STK32B: variants seen among roughly 807,000 people sequenced by gnomAD.
STK32B encodes the protein serine/threonine-protein kinase 32B.
A neutral mutation model predicts 52.6 loss-of-function variants in STK32B; 43 were observed. That is an observed-to-expected ratio of 0.82 (90% CI 0.64 to 1.05). The LOEUF (loss-of-function observed/expected upper bound fraction) is 1.05. STK32B is among the 50% of genes least tolerant of loss of function. STK32B has a pLI of 0.00. For missense variants in STK32B, 621 were observed against 534.6 expected, an observed-to-expected ratio of 1.16 and a Z score of -1.59; for synonymous variants, 238 against 204.3, an observed-to-expected ratio of 1.17 and a Z score of -1.41.
chr4:5,085,321 A>G (rs1212650217), intron 1 of STK32B, among the ~76,000 whole-genome samples: 1 of 152,218 alleles, frequency 6.6e-6, no homozygotes. Context: ...ATCTACTGTA[A>G]TTATTTTTAT....
chr4:5,274,641 G>A (rs1224459851), intron 3 of STK32B, among the ~76,000 whole-genome samples: 2 of 152,200 alleles, frequency 1.3e-5, no homozygotes, highest in South Asian at 2.1e-4. Flanking sequence ...ACAAGGATCA[G>A]CATATAAACC....
At chr4:5,168,478 G>T (rs1719066225) in intron 3 of STK32B, 28 bp downstream of exon 3, 2 of 1,598,134 alleles carry the variant, frequency 1.3e-6, no homozygotes, top group African/African-American at 1.3e-5. Context: ...CAGGGCTCCT[G>T]TGGGTTCCCC....
In STK32B at chr4:5,316,368, T is replaced by C. The variant is rs867792016; in HGVS notation, c.261-14852T>C. 8.2e-5 allele frequency among the ~76,000 whole-genome samples: 3 copies of C among 36,676 alleles called. 1 individual carries two copies. Among genetic ancestry groups the C allele is most frequent in the South Asian group, 8.9e-4 (1 of 1,124 alleles). The allele number at this position is 36,676 out of a possible 152,430, so 24.1% of individuals were successfully genotyped here. A position where few individuals can be genotyped will look rare whatever the true frequency, so the allele number is the denominator to read the frequency against. On this transcript the variant is annotated intron_variant, in intron 3 of 11. Transcript: ENST00000282908. ...ATTATATCATATATTATATATATTA[T>C]ATATATTAATTATATATATAATATA... is the stretch of plus-strand genomic sequence containing the variant.
chr4:5,362,452 G>A (rs747439002), intron 4 of STK32B, among the ~76,000 whole-genome samples: 10 of 152,112 alleles, frequency 6.6e-5, no homozygotes, highest in Non-Finnish European at 1.0e-4. Context: ...GATAACTAAG[G>A]GTACAGGTAG....
intron 3 of STK32B, among the ~76,000 whole-genome samples, chr4:5,321,953 A>G (rs1180419861): frequency 1.3e-5 from 2 of 149,710 alleles, no homozygotes; most frequent in Admixed American, 6.7e-5. Context: ...GTGAAGAACA[A>G]TGAGAGCCAT....
intron 3 of STK32B, among the ~76,000 whole-genome samples, chr4:5,295,227 G>A (rs969935479): frequency 4.8e-5 from 7 of 146,618 alleles, no homozygotes; most frequent in East Asian, 2.0e-4. Flanking sequence ...ATATTGGGTT[G>A]AAGTTTTCTT....
At chr4:5,429,564 T>C (rs200926917) in intron 6 of STK32B, among the ~76,000 whole-genome samples, 5 of 151,560 alleles carry the variant, frequency 3.3e-5, no homozygotes, top group Admixed American at 1.3e-4. Flanking sequence ...TATAAATATA[T>C]GTCATTGAAT....
rs1713955394 is a variant in STK32B at position 5,435,277 on chromosome 4, C to G, written c.563-11396C>G. Among the ~76,000 whole-genome samples the G allele has an allele frequency of 2.0e-5, 3 of 152,188 alleles. No individual in the cohort carries two copies. The South Asian group carries it at 6.2e-4, about 32-fold the overall frequency. ...TATAATCTAAGCAGGTGTAACTGGT[C>G]TTTGGACCCTGGACTACCTTTCTGG... On this transcript the variant is annotated intron_variant, in intron 6 of 11. Transcript: ENST00000282908.
intron 5 of STK32B, among the ~76,000 whole-genome samples, chr4:5,404,792 CTT>C: frequency 6.6e-6 from 1 of 150,898 alleles, no homozygotes; most frequent in Non-Finnish European, 1.5e-5. Flanking sequence ...GGAATTTGGA[CTT>C]TGGTATGTGA....
rs948789276 is a variant in STK32B at position 5,295,262 on chromosome 4, G to C, written c.261-35958G>C. On this transcript the variant is annotated intron_variant, in intron 3 of 11. Coordinates refer to ENST00000282908, the MANE Select transcript of STK32B (RefSeq NM_018401.3). ...TATTTTTTTGTTGTGTCTCTGCCAG[G>C]TTTTGGTATCAGGATGATGCCTCAT... Among the ~76,000 whole-genome samples the C allele has an allele frequency of 1.3e-5, 2 of 152,100 alleles. 1 individual carries two copies. Among genetic ancestry groups the C allele is most frequent in the South Asian group, 4.1e-4 (2 of 4,822 alleles).
chr4:5,242,202 A>G lies in STK32B; in HGVS notation c.260+73752A>G, dbSNP rs1179277867. On this transcript the variant is annotated intron_variant, in intron 3 of 11. Coordinates refer to ENST00000282908, the MANE Select transcript of STK32B (RefSeq NM_018401.3). ...GTTTACAGTCCCACCAACAGTGTAT[A>G]AGTGTTCCTATTTCTCCACATCCTC... is the stretch of plus-strand genomic sequence containing the variant. 5.3e-5 allele frequency among the ~76,000 whole-genome samples: 8 copies of G among 152,186 alleles called. No individual in the cohort carries two copies. In the East Asian group the frequency reaches 1.3e-3, roughly 26 times the overall value.
At chr4:5,316,276 ATATAT>A (rs1168374424) in intron 3 of STK32B, among the ~76,000 whole-genome samples, 27 of 58,964 alleles carry the variant, frequency 4.6e-4, no homozygotes, top group South Asian at 2.0e-3. Flanking sequence ...AGTATATATA[ATATAT>A]TATATACAAT....
chr4:5,099,432 CTGTG>C (rs746438820), intron 1 of STK32B, among the ~76,000 whole-genome samples: 7 of 138,756 alleles, frequency 5.0e-5, no homozygotes, highest in East Asian at 2.5e-4. Flanking sequence ...CTGCAGTCCT[CTGTG>C]TGTGTGTGTG....
At chr4:5,443,306 T>G (rs1267337608) in intron 6 of STK32B, among the ~76,000 whole-genome samples, 1 of 151,004 alleles carries the variant, frequency 6.6e-6, no homozygotes, top group African/African-American at 2.4e-5. Context: ...GCTCGTTTCT[T>G]TTTATTCTTT....
rs150602898 is a variant in STK32B at position 5,472,805 on chromosome 4, T to C, written c.1106+4735T>C. Among the ~76,000 whole-genome samples, 784 of 152,312 alleles carry C rather than the reference T, an allele frequency of 5.1e-3. 10 individuals carry two copies. Among genetic ancestry groups the C allele is most frequent in the African/African-American group, 0.018 (751 of 41,560 alleles). On this transcript the variant is annotated intron_variant, in intron 11 of 11. Coordinates refer to ENST00000282908, the MANE Select transcript of STK32B (RefSeq NM_018401.3). ...CTATGAACACTAATAACAATCATCA[T>C]TTGTATGTGACTTTATGGTTTTAGA... is the stretch of plus-strand genomic sequence containing the variant.
intron 2 of STK32B, among the ~76,000 whole-genome samples, chr4:5,144,038 G>A (rs1028253914): frequency 6.6e-6 from 1 of 152,106 alleles, no homozygotes; most frequent in Non-Finnish European, 1.5e-5. Context: ...AGGAGTGATC[G>A]GCTAGTCAGT....
chr4:5,417,281 A>G (rs913201039), intron 6 of STK32B, among the ~76,000 whole-genome samples: 1 of 152,222 alleles, frequency 6.6e-6, no homozygotes, highest in Non-Finnish European at 1.5e-5. Flanking sequence ...CTAGGTCTAC[A>G]TTCTTAGGCA....
At chr4:5,482,317 A>G (rs961779169) in intron 11 of STK32B, among the ~76,000 whole-genome samples, 1 of 151,948 alleles carries the variant, frequency 6.6e-6, no homozygotes, top group African/African-American at 2.4e-5. Flanking sequence ...TGTAAGTTGG[A>G]TTTCTAGGTA....
chr4:5,282,010 G>T (rs575232834), intron 3 of STK32B, among the ~76,000 whole-genome samples: 1 of 151,782 alleles, frequency 6.6e-6, no homozygotes, highest in South Asian at 2.1e-4. Context: ...ATGCTTATGG[G>T]TTATAATGTG....
Sources: allele counts gnomAD v4.1 joint callset (sites outside exome capture counted in the v4.1 genomes callset), GRCh38; gene constraint gnomAD v4.1.1; transcripts MANE v1.5; gene names NCBI Gene and HGNC (gene_info 2026-07-23, HGNC 2026-07-21).